NR5A2: variants seen among roughly 807,000 people sequenced by gnomAD.
The protein encoded by NR5A2 is nuclear receptor subfamily 5 group A member 2, also known as CYP7A promoter-binding factor.
NR5A2 carries 26 observed loss-of-function variants against 62.7 expected under a neutral mutation model. The observed-to-expected ratio is 0.41, with a 90% confidence interval of 0.30 to 0.58. The LOEUF (loss-of-function observed/expected upper bound fraction) is 0.58. Among genes scored for constraint, NR5A2 ranks in the 20% least tolerant of loss-of-function variants. The pLI is 0.22. For missense variants in NR5A2, 541 were observed against 669.1 expected (o/e 0.81, Z 2.11); for synonymous variants, 246 against 241.7 (o/e 1.02, Z -0.16).
intron 5 of NR5A2, among the ~76,000 whole-genome samples, chr1:200,060,217 C>G (rs1663139306): frequency 6.6e-6 from 1 of 152,030 alleles, no homozygotes; most frequent in African/African-American, 2.4e-5. Flanking sequence ...CTTCTAATAC[C>G]TCAGGAAGCA....
intron 5 of NR5A2, among the ~76,000 whole-genome samples, chr1:200,098,156 A>AG (rs1175924391): frequency 1.5e-4 from 23 of 152,268 alleles, no homozygotes; most frequent in African/African-American, 4.8e-4. Context: ...CAATTGTAAG[A>AG]GGGGCCACTG....
intron 5 of NR5A2, among the ~76,000 whole-genome samples, chr1:200,104,285 T>G (rs1280186570): frequency 6.6e-6 from 1 of 152,182 alleles, no homozygotes; most frequent in African/African-American, 2.4e-5. Flanking sequence ...TGTACAGTAG[T>G]GTTTTTAGTG....
chr1:200,062,313 A>G (rs917228749), intron 5 of NR5A2, among the ~76,000 whole-genome samples: 53 of 151,106 alleles, frequency 3.5e-4, no homozygotes, highest in Admixed American at 1.3e-4. Context: ...GTTTTCACAC[A>G]CATTCTCTGA....
intron 7 of NR5A2, among the ~76,000 whole-genome samples, chr1:200,137,012 C>T (rs898605467): frequency 2.0e-5 from 3 of 152,050 alleles, no homozygotes; most frequent in Non-Finnish European, 4.4e-5. Context: ...CTCTGTTACC[C>T]AGGCTGGAAT....
chr1:200,057,280 T>C (rs1571726767), intron 5 of NR5A2, among the ~76,000 whole-genome samples: 1 of 152,268 alleles, frequency 6.6e-6, no homozygotes, highest in East Asian at 1.9e-4. Flanking sequence ...ACTCTAGTGC[T>C]AGGTGCTTTC....
intron 5 of NR5A2, among the ~76,000 whole-genome samples, chr1:200,059,509 G>A (rs1411480142): frequency 6.6e-6 from 1 of 152,190 alleles, no homozygotes; most frequent in Non-Finnish European, 1.5e-5. Flanking sequence ...ATTGCTCACA[G>A]ATCTTATGGA....
intron 2 of NR5A2, among the ~76,000 whole-genome samples, chr1:200,041,291 A>G (rs940585379): frequency 3.3e-5 from 5 of 152,196 alleles, no homozygotes. Flanking sequence ...GGTCTTCTGG[A>G]CACACTACCT....
chr1:200,040,047 A>G (rs1661993221), intron 2 of NR5A2, among the ~76,000 whole-genome samples: 1 of 152,208 alleles, frequency 6.6e-6, no homozygotes. Flanking sequence ...TTCCAGCTCT[A>G]TGGCAACCCA....
intron 5 of NR5A2, among the ~76,000 whole-genome samples, chr1:200,106,028 A>G (rs1665644688): frequency 6.6e-6 from 1 of 150,852 alleles, no homozygotes; most frequent in African/African-American, 2.4e-5. Context: ...AAAGATCTAC[A>G]CATTTTTCTT....
At chr1:200,064,127 C>T (rs934376059) in intron 5 of NR5A2, among the ~76,000 whole-genome samples, 1 of 148,628 alleles carries the variant, frequency 6.7e-6, no homozygotes, top group Non-Finnish European at 1.5e-5. Flanking sequence ...CCAGCCTGGG[C>T]GACAGAGCGA....
chr1:200,064,010 A>G (rs1023186117), intron 5 of NR5A2, among the ~76,000 whole-genome samples: 1 of 152,086 alleles, frequency 6.6e-6, no homozygotes, highest in African/African-American at 2.4e-5. Context: ...GTAGCTGGGT[A>G]TGGTGGCTTA....
At position 200,027,911 on chromosome 1, in the gene NR5A2, G is replaced by A; in HGVS notation, c.64G>A (p.Gly22Ser). ...ESLKHGLTPI[G>S]AGLPDRHGSP... is the part of the protein sequence containing the mutation. ...TTTAAAGCACGGACTTACACCTATT[G>A]GTAAGTAGGAGTTTCTCTATTGATC... The change falls in exon 1 of 8, where the codon GGT becomes AGT. Residue 22 changes from glycine to serine, a missense_variant and splice_region_variant. Coordinates refer to ENST00000367362, the MANE Select transcript of NR5A2 (RefSeq NM_205860.3). The A allele has an allele frequency of 1.3e-6, 2 of 1,569,468 alleles. No individual in the cohort carries two copies. The highest frequency in any genetic ancestry group is 1.7e-6 in the Non-Finnish European group (2 of 1,151,570).
At chr1:200,121,058 A>G in intron 7 of NR5A2, 103 bp downstream of exon 7, 4 of 1,181,482 alleles carry the variant, frequency 3.4e-6, no homozygotes, top group Non-Finnish European at 4.9e-6. Context: ...TATCAATATA[A>G]TGCCCTTCCT....
chr1:200,175,926 T>C lies in NR5A2; in HGVS notation c.*1716T>C, dbSNP rs1451357249. The stretch of plus-strand genomic sequence containing the variant: ...AGTAGTGTATTTATATTGTATATCA[T>C]ACTTTCAACTGTAGACAATTATGAT... On this transcript the variant is annotated 3_prime_UTR_variant, in exon 8 of 8. Coordinates refer to ENST00000367362, the MANE Select transcript of NR5A2 (RefSeq NM_205860.3). 1 of 152,658 alleles carries C rather than the reference T, an allele frequency of 6.6e-6. No individual in the cohort carries two copies. Among genetic ancestry groups the C allele is most frequent in the African/African-American group, 2.4e-5 (1 of 41,472 alleles). The allele number at this position is 152,658 out of a possible 1,614,324, so 9.5% of individuals were successfully genotyped here. A position where few individuals can be genotyped will look rare whatever the true frequency, so the allele number is the denominator to read the frequency against.
chr1:200,041,244 T>C (rs1297630445), intron 2 of NR5A2, among the ~76,000 whole-genome samples: 1 of 152,212 alleles, frequency 6.6e-6, no homozygotes, highest in Non-Finnish European at 1.5e-5. Flanking sequence ...GAGAGAGAAA[T>C]GTTATTGGTA....
In NR5A2 at chr1:200,140,357, G is replaced by A. The variant is rs183930144; in HGVS notation, c.1378+19402G>A. On this transcript the variant is annotated intron_variant, in intron 7 of 7. Transcript: ENST00000367362. ...CTCCCAAAGTGCTGGGATCACAGGCGAGCACCACCACACCTCGCCACTTAT... is the reference window on the plus strand; with the variant it reads ...CTCCCAAAGTGCTGGGATCACAGGCAAGCACCACCACACCTCGCCACTTAT... 2.1e-3 allele frequency among the ~76,000 whole-genome samples: 321 copies of A among 152,216 alleles called. 2 individuals carry two copies. Among genetic ancestry groups the A allele is most frequent in the Non-Finnish European group, 3.2e-3 (219 of 68,010 alleles).
At chr1:200,118,019 C>CTT (rs397982581) in intron 6 of NR5A2, among the ~76,000 whole-genome samples, 26,858 of 117,198 alleles carry the variant, frequency 0.23, 4,501 homozygotes, top group Non-Finnish European at 0.28. Context: ...TCGCCTTTTT[C>CTT]TTTTTTTTTT....
intron 7 of NR5A2, among the ~76,000 whole-genome samples, chr1:200,133,799 C>T (rs1180012753): frequency 1.3e-5 from 2 of 150,684 alleles, no homozygotes; most frequent in Non-Finnish European, 3.0e-5. Flanking sequence ...TATAAAGTAG[C>T]CTCAGGCAGG....
chr1:200,088,236 T>C (rs1318779905), intron 5 of NR5A2, among the ~76,000 whole-genome samples: 1 of 150,798 alleles, frequency 6.6e-6, no homozygotes. Flanking sequence ...TTGTTTTTGT[T>C]TTTGTTTTTT....
Sources: gnomAD v4.1 joint callset for allele counts (sites outside exome capture counted in the v4.1 genomes callset) on GRCh38, gnomAD v4.1.1 for gene constraint, MANE v1.5 for transcripts, NCBI Gene and HGNC (gene_info 2026-07-23, HGNC 2026-07-21) for gene names.